Variants in ELAVL3 observed in about 807,000 individuals in gnomAD.
ELAVL3 encodes ELAV-like protein 3.
ELAVL3 carries 8 observed loss-of-function variants against 34.2 expected under a neutral mutation model. That is an observed-to-expected ratio of 0.23 (90% confidence interval 0.14 to 0.42). ELAVL3 has a LOEUF of 0.42. Among genes scored for constraint, ELAVL3 ranks in the 10% least tolerant of loss-of-function variants. ELAVL3 has a pLI of 1.00. For missense variants in ELAVL3, 273 were observed against 518.8 expected, an observed-to-expected ratio of 0.53 and a Z score of 4.60; for synonymous variants, 209 against 222.1, an observed-to-expected ratio of 0.94 and a Z score of 0.53.
chr19:11,455,328 T>A (rs867441819), intron 6 of ELAVL3, among the ~76,000 whole-genome samples: 21 of 144,432 alleles, frequency 1.5e-4, no homozygotes, highest in African/African-American at 5.5e-4. Context: ...TGAGACGGGG[T>A]CTTGCTCTGT....
chr19:11,456,073 G>A lies in ELAVL3; in HGVS notation c.752+1037C>T, dbSNP rs368751954. On this transcript the variant is annotated intron_variant, in intron 6 of 6. Transcript: ENST00000359227. ...GGATGTTGCCTCAGATGGGACTGGG[G>A]GGTCTCTGCTGCTGGGTCTCCGTCA... 2.1e-4 allele frequency among the ~76,000 whole-genome samples: 32 copies of A among 152,092 alleles called. No individual in the cohort carries two copies. The East Asian group carries it at 3.5e-3, about 17-fold the overall frequency.
chr19:11,480,566 C>A lies in ELAVL3; in HGVS notation c.9+34G>T. On this transcript the variant is annotated intron_variant, in intron 1 of 6. Transcript: ENST00000359227. This position sits in a 1 kb window ranked among gnomAD's most constrained non-coding sequence, Gnocchi z 6.8. ...GAGCCTGGGCCCAACTCCTCCCCGT[C>A]CCGATTCCCTTTCGGCGACAGGGGA... 6.6e-7 allele frequency: 1 copy of A among 1,509,504 alleles called. No individual in the cohort carries two copies. The highest frequency in any genetic ancestry group is 8.9e-7 in the Non-Finnish European group (1 of 1,129,668). 93.5% of individuals were successfully genotyped at this position (1,509,504 alleles called of 1,614,324 possible). A position where few individuals can be genotyped will look rare whatever the true frequency, so the allele number is the denominator to read the frequency against.
rs775397138 is a variant in ELAVL3, at chr19:11,454,871, CAG to C, written c.757_758del (p.Leu253ValfsTer65). Reference sequence around the variant, plus strand: ...TCGGCGAGAACCTGGCGATGAGCGACAGGGGACTACTTTGGGGGTCACGCGGG... The same window carrying C: ...TCGGCGAGAACCTGGCGATGAGCGACGGGACTACTTTGGGGGTCACGCGGG... ...LNMAYGVKSP[L>X]SLIARFSPIA... On this transcript the variant is annotated frameshift_variant, in exon 7 of 7. Transcript: ENST00000359227. LOFTEE classifies it high-confidence loss of function. This position sits in a 1 kb window ranked among gnomAD's most constrained non-coding sequence, Gnocchi z 9.2. 4 of 1,596,350 alleles carry C rather than the reference CAG, an allele frequency of 2.5e-6. No homozygotes were observed. Among genetic ancestry groups the C allele is most frequent in the African/African-American group, 1.3e-5 (1 of 74,754 alleles).
At position 11,466,638 on chromosome 19, in the gene ELAVL3, A is replaced by C; in HGVS notation, c.199T>G (p.Ser67Ala). 6.2e-7 allele frequency: 1 copy of C among 1,613,942 alleles called. No homozygotes were observed. The highest frequency in any genetic ancestry group is 8.5e-7 in the Non-Finnish European group (1 of 1,180,008). ...ATCTTGTCCCGAACCAACTTGCAGG[A>C]CTCGATGTCGCCAATGCTGCCGAAG... ...SLFGSIGDIE[S>A]CKLVRDKITG... The change falls in exon 2 of 7, where the codon TCC becomes GCC. Residue 67 changes from serine to alanine, a missense_variant. This residue lies in a region of ELAVL3 where 102 missense variants were observed against 250.1 expected (regional missense o/e 0.41). Coordinates refer to ENST00000359227, the MANE Select transcript of ELAVL3 (RefSeq NM_001420.4). The surrounding 1 kb of genome is among the most constrained non-coding windows in gnomAD (Gnocchi z 5.0).
intron 1 of ELAVL3, among the ~76,000 whole-genome samples, chr19:11,468,475 C>G (rs1156523744): frequency 6.6e-6 from 1 of 150,554 alleles, no homozygotes; most frequent in Non-Finnish European, 1.5e-5. Context: ...GGTGCAATGG[C>G]ACGATCTTGG....
rs1349609306 is a variant in ELAVL3, at chr19:11,454,753, G to T, written c.877C>A (p.Pro293Thr). ...GWCIFVYNLS[P>T]EADESVLWQL... Reference sequence around the variant, plus strand: ...CACAGCACGCTCTCGTCTGCCTCCGGTGACAGGTTGTACACGAAGATGCAC... The same window carrying T: ...CACAGCACGCTCTCGTCTGCCTCCGTTGACAGGTTGTACACGAAGATGCAC... The change falls in exon 7 of 7, where the codon CCG becomes ACG. Residue 293 changes from proline (P) to threonine (T), a missense_variant. Around this residue, in one of 4 missense-constraint regions of ELAVL3, gnomAD observed 52 missense variants for 119.6 expected, o/e 0.43. Coordinates refer to ENST00000359227, the MANE Select transcript of ELAVL3 (RefSeq NM_001420.4). This position sits in a 1 kb window ranked among gnomAD's most constrained non-coding sequence, Gnocchi z 9.2. 1 of 1,614,006 alleles carries T rather than the reference G, an allele frequency of 6.2e-7. No individual in the cohort carries two copies. Among genetic ancestry groups the T allele is most frequent in the Non-Finnish European group, 8.5e-7 (1 of 1,180,002 alleles).
In ELAVL3 at chr19:11,453,592, C is replaced by T. The variant is rs1970701254; in HGVS notation, c.*934G>A. ...TGGTCTGTGTCCACATGGACGTAGC[C>T]CCAGCTTCTGTCTCTTTCTGTCTAT... On this transcript the variant is annotated 3_prime_UTR_variant, in exon 7 of 7. Transcript: ENST00000359227. The T allele has an allele frequency of 6.5e-6, 1 of 152,810 alleles. No individual in the cohort carries two copies. The highest frequency in any genetic ancestry group is 6.5e-5 in the Admixed American group (1 of 15,286). The allele number at this position is 152,810 out of a possible 1,614,324, so 9.5% of individuals were successfully genotyped here. A position where few individuals can be genotyped will look rare whatever the true frequency, so the allele number is the denominator to read the frequency against.
intron 1 of ELAVL3, among the ~76,000 whole-genome samples, chr19:11,477,684 G>C (rs1971287281): frequency 1.3e-5 from 2 of 150,146 alleles, no homozygotes; most frequent in Non-Finnish European, 3.0e-5. Flanking sequence ...GGACATGCTA[G>C]ATCCCTATTT....
chr19:11,461,478 C>CCCTT (rs894503909), intron 3 of ELAVL3, among the ~76,000 whole-genome samples: 6 of 110,876 alleles, frequency 5.4e-5, no homozygotes, highest in African/African-American at 1.0e-4. Context: ...CTCCCTCCCT[C>CCCTT]CCTTCCTTCC....
In ELAVL3 at chr19:11,480,859, G is replaced by T. The variant is rs967364142; in HGVS notation, c.-251C>A. On this transcript the variant is annotated 5_prime_UTR_variant, in exon 1 of 7. Transcript: ENST00000359227. The surrounding 1 kb of genome is among the most constrained non-coding windows in gnomAD (Gnocchi z 6.8). ...GGGGATGGAAAGAGGGAGCGGGCGC[G>T]GGGTTGAGGACGCCCCCTGCGCGGC... The T allele has an allele frequency of 5.4e-6, 2 of 372,010 alleles. No homozygotes were observed. Among genetic ancestry groups the T allele is most frequent in the Admixed American group, 4.6e-5 (1 of 21,652 alleles). The allele number at this position is 372,010 out of a possible 1,614,324, so 23.0% of individuals were successfully genotyped here.
In ELAVL3 at chr19:11,466,508, T is replaced by C; in HGVS notation, c.229+100A>G. The stretch of plus-strand genomic sequence containing the variant: ...TCCCTAGACCACCTCCTGCCTCGAT[T>C]ACCCCCGAGACACCTCAGCAAGGGT... On this transcript the variant is annotated intron_variant, in intron 2 of 6. Coordinates refer to ENST00000359227, the MANE Select transcript of ELAVL3 (RefSeq NM_001420.4). The surrounding 1 kb of genome is among the most constrained non-coding windows in gnomAD (Gnocchi z 5.0). 2 of 1,356,596 alleles carry C rather than the reference T, an allele frequency of 1.5e-6. No individual in the cohort carries two copies. The highest frequency in any genetic ancestry group is 1.0e-6 in the Non-Finnish European group (1 of 969,522). 84.0% of individuals were successfully genotyped at this position (1,356,596 alleles called of 1,614,324 possible).
intron 3 of ELAVL3, among the ~76,000 whole-genome samples, chr19:11,464,114 T>C (rs1034186972): frequency 2.4e-5 from 3 of 126,380 alleles, no homozygotes; most frequent in African/African-American, 1.1e-4. Context: ...TCTCTCTCTG[T>C]CTCTCTCTGT....
intron 6 of ELAVL3, 136 bp from the exon 7 acceptor site, chr19:11,455,013 T>C (rs1423343630): frequency 3.0e-6 from 3 of 1,006,900 alleles, no homozygotes; most frequent in Non-Finnish European, 4.4e-6. Flanking sequence ...AATTTTTTTT[T>C]TTAGAGACAC....
intron 3 of ELAVL3, among the ~76,000 whole-genome samples, chr19:11,463,149 C>G (rs970029616): frequency 2.0e-5 from 3 of 152,058 alleles, no homozygotes; most frequent in Admixed American, 2.0e-4. Flanking sequence ...GTCTGAGACA[C>G]AGAGGAGGTT....
rs370267373 is a variant in ELAVL3 at position 11,458,303 on chromosome 19, A to T, written c.488-17T>A. ...GAGAGACACCTGCCAGGGGGCAGGG[A>T]TGTCCATCACGACGACCCTGTCCCC... On this transcript the variant is annotated splice_polypyrimidine_tract_variant and intron_variant, in intron 4 of 6. Coordinates refer to ENST00000359227, the MANE Select transcript of ELAVL3 (RefSeq NM_001420.4). The surrounding 1 kb of genome is among the most constrained non-coding windows in gnomAD (Gnocchi z 7.3). The T allele has an allele frequency of 1.9e-6, 3 of 1,612,028 alleles. No homozygotes were observed. The highest frequency in any genetic ancestry group is 2.7e-5 in the African/African-American group (2 of 74,810).
intron 1 of ELAVL3, among the ~76,000 whole-genome samples, chr19:11,470,610 G>A (rs1233043536): frequency 6.6e-6 from 1 of 151,896 alleles, no homozygotes; most frequent in Non-Finnish European, 1.5e-5. Context: ...CTGGGAGGCG[G>A]GGGTTGCGGT....
At chr19:11,464,070 G>A (rs1970948106) in intron 3 of ELAVL3, among the ~76,000 whole-genome samples, 1 of 148,282 alleles carries the variant, frequency 6.7e-6, no homozygotes, top group Non-Finnish European at 1.5e-5. Flanking sequence ...GCACTTGACA[G>A]CAGCCTCTCT....
At position 11,451,545 on chromosome 19, in the gene ELAVL3, C is replaced by G. The variant is rs1263120765; in HGVS notation, c.*2981G>C. The G allele has an allele frequency of 8.4e-6, 1 of 118,428 alleles. No individual in the cohort carries two copies. The highest frequency in any genetic ancestry group is 3.3e-5 in the African/African-American group (1 of 30,694). The allele number at this position is 118,428 out of a possible 1,614,324, so 7.3% of individuals were successfully genotyped here. A position where few individuals can be genotyped will look rare whatever the true frequency, so the allele number is the denominator to read the frequency against. On this transcript the variant is annotated 3_prime_UTR_variant, in exon 7 of 7. Coordinates refer to ENST00000359227, the MANE Select transcript of ELAVL3 (RefSeq NM_001420.4). ...TTTTTTATCACCTCCAACATGGACT[C>G]TGTCGTGATTTGAAACCTTCCGAAT...
Position 11,466,913 on chromosome 19 carries a change from G to T in ELAVL3, c.10-86C>A. 8.5e-7 allele frequency: 1 copy of T among 1,180,854 alleles called. No homozygotes were observed. Among genetic ancestry groups the T allele is most frequent in the Non-Finnish European group, 1.2e-6 (1 of 830,878 alleles). The allele number at this position is 1,180,854 out of a possible 1,614,324, so 73.1% of individuals were successfully genotyped here. On this transcript the variant is annotated intron_variant, in intron 1 of 6. Coordinates refer to ENST00000359227, the MANE Select transcript of ELAVL3 (RefSeq NM_001420.4). This position sits in a 1 kb window ranked among gnomAD's most constrained non-coding sequence, Gnocchi z 5.0. ...TGAGTGGCTTGGTGGTGATGAATTA[G>T]CCATGTCTTATAGGGGCTTCGTCAT... is the stretch of plus-strand genomic sequence containing the variant.
Sources: allele counts gnomAD v4.1 joint callset (sites outside exome capture counted in the v4.1 genomes callset), GRCh38; gene constraint gnomAD v4.1.1; regional missense constraint gnomAD v4.1.1; non-coding constraint Gnocchi (gnomAD v3.1); transcripts MANE v1.5; gene names NCBI Gene and HGNC (gene_info 2026-07-23, HGNC 2026-07-21).